The following PDE10A variants were observed in gnomAD, a reference collection of about 807,000 sequenced individuals.
PDE10A encodes phosphodiesterase 10A, also known as cAMP and cAMP-inhibited cGMP 3',5'-cyclic phosphodiesterase 10A.
Under a neutral mutation model 97.7 loss-of-function variants are expected in PDE10A, and 39 were observed. That is an observed-to-expected ratio of 0.40 (90% CI 0.31 to 0.52). PDE10A has a LOEUF of 0.52. PDE10A is among the 20% of genes least tolerant of loss of function. The probability of loss-of-function intolerance (pLI) is 0.56; values close to 1 mark genes in which losing one functional copy is unlikely to be tolerated. For missense variants in PDE10A, 731 were observed against 1,047.8 expected (o/e 0.70, Z 4.17); for synonymous variants, 371 against 376.8 (o/e 0.98, Z 0.18).
intron 1 of PDE10A, among the ~76,000 whole-genome samples, chr6:165,776,506 G>A (rs1482805447): frequency 2.0e-5 from 3 of 152,216 alleles, no homozygotes; most frequent in Non-Finnish European, 4.4e-5. Flanking sequence ...AGAGCTGGGA[G>A]CTGTTTTTGA....
chr6:165,381,653 TTG>T (rs1784938016), intron 17 of PDE10A, among the ~76,000 whole-genome samples: 2 of 110,642 alleles, frequency 1.8e-5, no homozygotes, highest in African/African-American at 7.8e-5. Context: ...TTTTTTTTTT[TTG>T]TATTTTTAGT....
intron 1 of PDE10A, among the ~76,000 whole-genome samples, chr6:165,971,598 T>G (rs1160116482): frequency 1.3e-5 from 2 of 152,196 alleles, no homozygotes; most frequent in African/African-American, 4.8e-5. Context: ...AAAAGTGCCT[T>G]GCCAATTAAG....
rs1251097988 is a variant in PDE10A at position 165,662,849 on chromosome 6, G to A, written c.-38C>T. Among the ~76,000 whole-genome samples the A allele has an allele frequency of 2.0e-5, 3 of 150,484 alleles. No homozygotes were observed. The highest frequency in any genetic ancestry group is 6.6e-5 in the Admixed American group (1 of 15,182). ...GGCCGCGGAGGGGCAGGCCGCGGGC[G>A]GGAGGGGCGCGGCGGGCCGGGGCTC... On this transcript the variant is annotated 5_prime_UTR_variant, in exon 1 of 22. Coordinates refer to ENST00000539869, the MANE Select transcript of PDE10A (RefSeq NM_001385079.1).
chr6:165,480,708 G>A (rs1288942057), intron 3 of PDE10A, among the ~76,000 whole-genome samples: 2 of 152,228 alleles, frequency 1.3e-5, no homozygotes, highest in East Asian at 3.8e-4. Context: ...CCTTCTGTCA[G>A]GGATGTGTTA....
intron 1 of PDE10A, among the ~76,000 whole-genome samples, chr6:165,650,778 G>A (rs143768114): frequency 1.3e-4 from 19 of 148,406 alleles, no homozygotes; most frequent in African/African-American, 3.5e-4. Flanking sequence ...TTTTTTTGTC[G>A]CCAGGTTGGA....
intron 2 of PDE10A, among the ~76,000 whole-genome samples, chr6:165,485,884 G>A (rs914748524): frequency 3.3e-5 from 5 of 152,180 alleles, no homozygotes; most frequent in Admixed American, 6.5e-5. Context: ...GTGAGCTACC[G>A]CGCCCGGCGG....
chr6:165,794,170 A>G (rs1778749894), intron 1 of PDE10A, among the ~76,000 whole-genome samples: 1 of 150,676 alleles, frequency 6.6e-6, no homozygotes, highest in African/African-American at 2.4e-5. Flanking sequence ...GCACACTCAT[A>G]CACTCCCTCC....
At chr6:165,381,269 G>A (rs1474457841) in intron 17 of PDE10A, among the ~76,000 whole-genome samples, 5 of 152,162 alleles carry the variant, frequency 3.3e-5, no homozygotes, top group Non-Finnish European at 7.4e-5. Context: ...CAAAAGTGTC[G>A]ACTGTCCCAA....
rs567891553 is a variant in PDE10A at position 165,707,712 on chromosome 6, C to T, written c.-614-164144G>A. 4.6e-5 allele frequency among the ~76,000 whole-genome samples: 7 copies of T among 151,298 alleles called. No homozygotes were observed. The South Asian group carries it at 6.3e-4, about 14-fold the overall frequency. ...ATGTGTGTGAGTGTGTGAGACTGTGCGTGTGTGTATGAGTGTATGTGTGAG... is the reference window on the plus strand; with the variant it reads ...ATGTGTGTGAGTGTGTGAGACTGTGTGTGTGTGTATGAGTGTATGTGTGAG... On this transcript the variant is annotated intron_variant, in intron 1 of 19. Transcript: ENST00000366882.
At chr6:165,768,484 C>A (rs1421616504) in intron 1 of PDE10A, among the ~76,000 whole-genome samples, 1 of 151,896 alleles carries the variant, frequency 6.6e-6, no homozygotes, top group African/African-American at 2.4e-5. Context: ...TTTTAAGTGT[C>A]CTTCACTTAA....
chr6:165,562,369 T>A (rs887800186), intron 1 of PDE10A, among the ~76,000 whole-genome samples: 1 of 152,148 alleles, frequency 6.6e-6, no homozygotes, highest in Admixed American at 6.5e-5. Flanking sequence ...TTCCAACTAT[T>A]TTACATGAAA....
chr6:165,987,532 C>G (rs965226377), exon 1 of PDE10A: 4 of 365,512 alleles, frequency 1.1e-5, no homozygotes, highest in African/African-American at 8.5e-5. Context: ...AACTTACCCG[C>G]CAAAGTATGC....
chr6:165,592,892 A>G (rs528533964), intron 1 of PDE10A, among the ~76,000 whole-genome samples: 15 of 152,278 alleles, frequency 9.9e-5, no homozygotes, highest in Admixed American at 3.9e-4. Context: ...TCAGTGTGGC[A>G]ATTCCTCAGG....
At chr6:165,409,888 GTTTTT>G (rs58019647) in intron 13 of PDE10A, among the ~76,000 whole-genome samples, 2 of 140,518 alleles carry the variant, frequency 1.4e-5, no homozygotes, top group Non-Finnish European at 3.1e-5. Flanking sequence ...CTTTTCAGAA[GTTTTT>G]TTTTTTTTTT....
rs573028174 is a variant in PDE10A, at chr6:165,831,054, C to T, written c.-615+156475G>A. Among the ~76,000 whole-genome samples, 4 of 152,146 alleles carry T rather than the reference C, an allele frequency of 2.6e-5. No individual in the cohort carries two copies. In the East Asian group the frequency reaches 7.8e-4, roughly 30 times the overall value. ...CTTAAAATAACTTTTAAACAGAGTC[C>T]TCTCCCTCAACAAAGTCATCCCTCC... is the stretch of plus-strand genomic sequence containing the variant. On this transcript the variant is annotated intron_variant, in intron 1 of 19. Transcript: ENST00000366882.
chr6:165,732,731 C>T (rs914315454), intron 1 of PDE10A, among the ~76,000 whole-genome samples: 2 of 152,222 alleles, frequency 1.3e-5, no homozygotes, highest in African/African-American at 2.4e-5. Flanking sequence ...CCCAGCGTCA[C>T]ATCCAAAATC....
At chr6:165,639,117 A>C (rs201390593) in intron 1 of PDE10A, among the ~76,000 whole-genome samples, 1 of 71,056 alleles carries the variant, frequency 1.4e-5, no homozygotes, top group East Asian at 1.5e-3. Context: ...AGGCGGCAGG[A>C]AGGAAGGAAG....
chr6:165,666,188 G>A (rs551964056), upstream of PDE10A, among the ~76,000 whole-genome samples: 1 of 152,270 alleles, frequency 6.6e-6, no homozygotes, highest in East Asian at 1.9e-4. Context: ...ATGCAAATCT[G>A]TGTCTTAACT....
intron 1 of PDE10A, among the ~76,000 whole-genome samples, chr6:165,854,741 G>A (rs577144015): frequency 1.3e-5 from 2 of 152,320 alleles, no homozygotes; most frequent in East Asian, 3.9e-4. Context: ...CGGGAGGGAC[G>A]CGGGGTCCGG....
Sources: allele counts gnomAD v4.1 joint callset (sites outside exome capture counted in the v4.1 genomes callset), GRCh38; gene constraint gnomAD v4.1.1; transcripts MANE v1.5; gene names NCBI Gene and HGNC (gene_info 2026-07-23, HGNC 2026-07-21).